The following KYAT3 variants were observed in gnomAD, a reference collection of about 807,000 sequenced individuals.
KYAT3 encodes kynurenine aminotransferase 3.
Under a neutral mutation model 59.0 loss-of-function variants are expected in KYAT3, and 50 were observed. That is an observed-to-expected ratio of 0.85 (90% CI 0.68 to 1.07). The LOEUF (loss-of-function observed/expected upper bound fraction) is 1.07. Among genes scored for constraint, KYAT3 ranks in the 50% least tolerant of loss-of-function variants. The pLI is 0.00. For synonymous variants in KYAT3, 148 were observed against 177.0 expected (o/e 0.84, Z 1.30); for missense variants, 497 against 533.3 (o/e 0.93, Z 0.67).
At chr1:88,972,907 A>G (rs1231972704) in intron 2 of KYAT3, among the ~76,000 whole-genome samples, 2 of 152,212 alleles carry the variant, frequency 1.3e-5, no homozygotes, top group Non-Finnish European at 1.5e-5. Context: ...CGTGGTTGCT[A>G]TGGGTTGGAC....
intron 5 of KYAT3, chr1:88,964,438 A>T (rs529457685): frequency 6.4e-6 from 1 of 157,328 alleles, no homozygotes; most frequent in Admixed American, 6.2e-5. Flanking sequence ...AATCTCACAG[A>T]CACAAAAATA....
At chr1:88,969,361 A>G (rs1359014075) in intron 3 of KYAT3, 48 bp downstream of exon 3, 2 of 1,159,342 alleles carry the variant, frequency 1.7e-6, no homozygotes, top group South Asian at 2.6e-5. Flanking sequence ...AGATACGAAA[A>G]TATGTAGGAA....
intron 13 of KYAT3, among the ~76,000 whole-genome samples, chr1:88,941,437 T>C (rs970664996): frequency 6.6e-6 from 1 of 152,214 alleles, no homozygotes; most frequent in South Asian, 2.1e-4. Flanking sequence ...AGAAGTTTGA[T>C]AGTGATAAAT....
At chr1:88,927,204 A>G in the KYAT3 span, among the ~76,000 whole-genome samples, 2 of 152,136 alleles carry the variant, frequency 1.3e-5, no homozygotes, top group South Asian at 2.1e-4. Context: ...TTCTTTTTTC[A>G]GATGGGAAAC....
chr1:88,981,894 C>T, intron 2 of KYAT3: 1 of 873,892 alleles, frequency 1.1e-6, no homozygotes, highest in African/African-American at 1.8e-5. Flanking sequence ...CAAGCTGTTC[C>T]TTTAAAAGTG....
chr1:88,960,560 A>T (rs1676100313), intron 8 of KYAT3, among the ~76,000 whole-genome samples: 1 of 152,200 alleles, frequency 6.6e-6, no homozygotes, highest in South Asian at 2.1e-4. Context: ...CAAAGGCCTG[A>T]AGGAGGTGAA....
At chr1:88,975,727 G>C (rs183369295) in intron 2 of KYAT3, among the ~76,000 whole-genome samples, 274 of 152,280 alleles carry the variant, frequency 1.8e-3, no homozygotes, top group Non-Finnish European at 1.5e-3. Flanking sequence ...ATATATGACG[G>C]TAGTCCCATA....
At chr1:88,985,387 C>G (rs954671594) in intron 2 of KYAT3, among the ~76,000 whole-genome samples, 2 of 152,138 alleles carry the variant, frequency 1.3e-5, no homozygotes, top group African/African-American at 4.8e-5. Context: ...GGGTTTGAGG[C>G]TGAGAAACAG....
the KYAT3 span, among the ~76,000 whole-genome samples, chr1:88,921,810 G>C: frequency 6.6e-6 from 1 of 152,192 alleles, no homozygotes; most frequent in Non-Finnish European, 1.5e-5. Flanking sequence ...GCCATCTGCT[G>C]ATAGATTCTC....
intron 10 of KYAT3, 150 bp from the exon 11 acceptor site, chr1:88,949,427 A>G (rs1675587581): frequency 1.9e-6 from 1 of 529,848 alleles, no homozygotes; most frequent in Admixed American, 4.0e-5. Flanking sequence ...GTGAACCTAT[A>G]TTAAACTCTA....
intron 2 of KYAT3, among the ~76,000 whole-genome samples, chr1:88,976,352 A>C (rs552371944): frequency 4.6e-4 from 68 of 149,094 alleles, no homozygotes; most frequent in Non-Finnish European, 9.1e-4. Flanking sequence ...GGTAGACTCC[A>C]TCTCAAAAAA....
intron 13 of KYAT3, among the ~76,000 whole-genome samples, chr1:88,940,281 A>G (rs1258465617): frequency 6.6e-6 from 1 of 152,096 alleles, no homozygotes; most frequent in Non-Finnish European, 1.5e-5. Context: ...CATGTTGGCC[A>G]GGCTGGTTGT....
intron 2 of KYAT3, chr1:88,981,265 GT>G (rs1389748717): frequency 6.6e-6 from 1 of 152,118 alleles, no homozygotes; most frequent in East Asian, 1.9e-4. Flanking sequence ...ACAAAAAAAT[GT>G]TTCACTTACT....
intron 12 of KYAT3, 71 bp from the exon 13 acceptor site, chr1:88,943,162 T>A (rs907412469): frequency 1.6e-6 from 2 of 1,231,310 alleles, no homozygotes; most frequent in East Asian, 4.7e-5. Context: ...GTACTACAGA[T>A]ACTAGAGGCA....
Position 88,988,351 on chromosome 1 carries a change from G to A in KYAT3, c.-1C>T, listed in dbSNP as rs780159879. The A allele has an allele frequency of 6.2e-7, 1 of 1,601,828 alleles. No individual in the cohort carries two copies. Among genetic ancestry groups the A allele is most frequent in the South Asian group, 1.1e-5 (1 of 90,060 alleles). The stretch of plus-strand genomic sequence containing the variant: ...AGAGGCTCCTCTGGGCCAAAAACAT[G>A]CTATTAAATAAAAGAAAAATTGAGA... On this transcript the variant is annotated splice_region_variant and 5_prime_UTR_variant, in exon 2 of 14. Coordinates refer to ENST00000260508, the MANE Select transcript of KYAT3 (RefSeq NM_001008661.3).
At chr1:88,959,517 G>A (rs965502003) in intron 8 of KYAT3, among the ~76,000 whole-genome samples, 1 of 140,546 alleles carries the variant, frequency 7.1e-6, no homozygotes, top group African/African-American at 2.7e-5. Flanking sequence ...AGGTTGCAAT[G>A]AGCTGAGATC....
chr1:88,932,857 A>C (rs1343179076), downstream of KYAT3, among the ~76,000 whole-genome samples: 1 of 152,178 alleles, frequency 6.6e-6, no homozygotes, highest in Non-Finnish European at 1.5e-5. Flanking sequence ...TTAAGCTATC[A>C]TCCTTATAAT....
chr1:88,959,362 A>C lies in KYAT3; in HGVS notation c.787+1805T>G, dbSNP rs142822448. On this transcript the variant is annotated intron_variant, in intron 8 of 13. Coordinates refer to ENST00000260508, the MANE Select transcript of KYAT3 (RefSeq NM_001008661.3). Reference sequence around the variant, plus strand: ...GGGAGGCCGAGGTGGGTGGATCACGAGGTCAGGAGTTTGAGACCAGCTTGG... The same window carrying C: ...GGGAGGCCGAGGTGGGTGGATCACGCGGTCAGGAGTTTGAGACCAGCTTGG... Among the ~76,000 whole-genome samples, 300 of 151,890 alleles carry C rather than the reference A, an allele frequency of 2.0e-3. 2 individuals are homozygous for C. Among genetic ancestry groups the C allele is most frequent in the African/African-American group, 6.8e-3 (282 of 41,424 alleles).
Position 88,949,295 on chromosome 1 carries a change from A to G in KYAT3, c.955-18T>C, listed in dbSNP as rs1206075490. The G allele has an allele frequency of 6.6e-7, 1 of 1,513,458 alleles. No homozygotes were observed. The highest frequency in any genetic ancestry group is 1.4e-5 in the African/African-American group (1 of 70,402). 93.8% of individuals were successfully genotyped at this position (1,513,458 alleles called of 1,614,324 possible). A position where few individuals can be genotyped will look rare whatever the true frequency, so the allele number is the denominator to read the frequency against. ...AAGGCTTCCTGTTTGTTAAGAATCA[A>G]AAAATATGAAAAGGCATATGGCAAT... is the stretch of plus-strand genomic sequence containing the variant. On this transcript the variant is annotated intron_variant, in intron 10 of 13. Coordinates refer to ENST00000260508, the MANE Select transcript of KYAT3 (RefSeq NM_001008661.3).
Sources: gnomAD v4.1 joint callset for allele counts (sites outside exome capture counted in the v4.1 genomes callset) on GRCh38, gnomAD v4.1.1 for gene constraint, MANE v1.5 for transcripts, NCBI Gene and HGNC (gene_info 2026-07-23, HGNC 2026-07-21) for gene names.